KCNH7: variants seen among roughly 807,000 people sequenced by gnomAD.
The protein encoded by KCNH7 is potassium voltage-gated channel subfamily H member 7.
A neutral mutation model predicts 120.8 loss-of-function variants in KCNH7; 49 were observed. The ratio of observed to expected loss-of-function variants is 0.41; its 90% CI spans 0.32 to 0.51. The LOEUF (loss-of-function observed/expected upper bound fraction) is 0.51, where lower values mean the gene tolerates loss of function less well. Among genes scored for constraint, KCNH7 ranks in the 20% least tolerant of loss-of-function variants. KCNH7 has a pLI of 0.38. For missense variants in KCNH7, 1,097 were observed against 1,446.6 expected, an observed-to-expected ratio of 0.76 and a Z score of 3.92; for synonymous variants, 547 against 516.1, an observed-to-expected ratio of 1.06 and a Z score of -0.81.
At chr2:162,795,742 T>G (rs180693099) in intron 2 of KCNH7, 1 of 152,152 alleles carries the variant, frequency 6.6e-6, no homozygotes, top group East Asian at 1.9e-4. Context: ...TGAGTACACA[T>G]AGTTAGGATT....
In KCNH7 at chr2:162,601,399, CTTTTTTTTTT is replaced by C. The variant is rs60201823; in HGVS notation, c.308-64329_308-64320del. ...AAATTTTAAAAAAGTACTTCTTGTG[CTTTTTTTTTT>C]TTTTTTTTTTTTTTTTTGCTTACTT... is the stretch of plus-strand genomic sequence containing the variant. On this transcript the variant is annotated intron_variant, in intron 2 of 15. Transcript: ENST00000332142. 1.1e-3 allele frequency among the ~76,000 whole-genome samples: 11 copies of C among 9,604 alleles called. No individual in the cohort carries two copies. In the East Asian group the frequency reaches 0.021, roughly 18 times the overall value. The allele number at this position is 9,604 out of a possible 152,430, so 6.3% of individuals were successfully genotyped here. A position where few individuals can be genotyped will look rare whatever the true frequency, so the allele number is the denominator to read the frequency against.
chr2:162,591,845 C>G (rs940178534), intron 2 of KCNH7, among the ~76,000 whole-genome samples: 1 of 151,992 alleles, frequency 6.6e-6, no homozygotes. Context: ...AGTCAATACA[C>G]CGGTTCTTCC....
intron 6 of KCNH7, among the ~76,000 whole-genome samples, chr2:162,451,589 G>A (rs1664799914): frequency 6.6e-6 from 1 of 152,022 alleles, no homozygotes; most frequent in Non-Finnish European, 1.5e-5. Flanking sequence ...GGGAGCTTGT[G>A]TGGAGAGTCC....
chr2:162,658,932 C>T (rs571407886), intron 2 of KCNH7, among the ~76,000 whole-genome samples: 157 of 152,056 alleles, frequency 1.0e-3, no homozygotes, highest in South Asian at 2.1e-3. Flanking sequence ...AGTTTTATTT[C>T]TTCCTTCCCA....
intron 2 of KCNH7, among the ~76,000 whole-genome samples, chr2:162,607,565 T>C (rs923241666): frequency 6.6e-6 from 1 of 152,176 alleles, no homozygotes; most frequent in African/African-American, 2.4e-5. Context: ...ATTGATTGCA[T>C]AGTTGTTAAA....
At chr2:162,505,389 A>G (rs1018644093) in intron 5 of KCNH7, among the ~76,000 whole-genome samples, 1 of 151,910 alleles carries the variant, frequency 6.6e-6, no homozygotes, top group Non-Finnish European at 1.5e-5. Flanking sequence ...ACCGCAAAAG[A>G]CTAATGCTCT....
chr2:162,817,825 C>G (rs1684967703), intron 2 of KCNH7, among the ~76,000 whole-genome samples: 2 of 151,982 alleles, frequency 1.3e-5, no homozygotes, highest in Admixed American at 1.3e-4. Context: ...CATTGTGTAT[C>G]TTTCCTTGGT....
In KCNH7 at chr2:162,836,739, T is replaced by C. The variant is rs756052548; in HGVS notation, c.105A>G (p.Arg35=). The C allele has an allele frequency of 3.7e-6, 6 of 1,613,004 alleles. No individual in the cohort carries two copies. Among genetic ancestry groups the C allele is most frequent in the Non-Finnish European group, 5.1e-6 (6 of 1,179,390 alleles). The change falls in exon 2 of 16, where the codon AGA becomes AGG. Residue 35 remains arginine, a synonymous_variant. Coordinates refer to ENST00000332142, the MANE Select transcript of KCNH7 (RefSeq NM_033272.4). ...AATAAATGATGGCACAGTTCTGCAC[T>C]CTGGCATTTGCAATGATAAATTTTT... ...QNKKFIIANA[R]VQNCAIIYCN...
intron 2 of KCNH7, among the ~76,000 whole-genome samples, chr2:162,724,933 T>G (rs1467527181): frequency 1.3e-5 from 2 of 152,200 alleles, no homozygotes; most frequent in African/African-American, 4.8e-5. Flanking sequence ...AAATACTTTT[T>G]CTCATGACTC....
chr2:162,418,119 C>T (rs529311869), intron 9 of KCNH7, among the ~76,000 whole-genome samples: 1 of 152,276 alleles, frequency 6.6e-6, no homozygotes, highest in South Asian at 2.1e-4. Context: ...AATCTACATG[C>T]AGATGACAAC....
intron 2 of KCNH7, among the ~76,000 whole-genome samples, chr2:162,548,600 T>C (rs187389276): frequency 2.2e-4 from 34 of 152,074 alleles, no homozygotes; most frequent in East Asian, 1.7e-3. Context: ...GCAGCACACA[T>C]TTATCTGAGT....
intron 2 of KCNH7, among the ~76,000 whole-genome samples, chr2:162,552,891 C>A (rs1186157866): frequency 6.6e-6 from 1 of 152,118 alleles, no homozygotes; most frequent in Non-Finnish European, 1.5e-5. Context: ...GATGAGAACC[C>A]CTGCTACAGT....
intron 6 of KCNH7, among the ~76,000 whole-genome samples, chr2:162,468,819 T>C (rs1430935194): frequency 6.6e-6 from 1 of 151,760 alleles, no homozygotes; most frequent in African/African-American, 2.4e-5. Flanking sequence ...AGTGCTGGGA[T>C]TACAGGCGTG....
chr2:162,744,633 C>T (rs984147802), intron 2 of KCNH7, among the ~76,000 whole-genome samples: 2 of 143,802 alleles, frequency 1.4e-5, no homozygotes, highest in African/African-American at 5.2e-5. Context: ...AATGCAGTGG[C>T]GTGATCTCCG....
intron 9 of KCNH7, among the ~76,000 whole-genome samples, chr2:162,403,530 C>T (rs1687122493): frequency 6.6e-6 from 1 of 151,914 alleles, no homozygotes; most frequent in African/African-American, 2.4e-5. Flanking sequence ...AAGGATGCTT[C>T]AGAAAGTTTT....
intron 9 of KCNH7, among the ~76,000 whole-genome samples, chr2:162,409,875 G>A (rs1687333804): frequency 6.6e-6 from 1 of 151,942 alleles, no homozygotes; most frequent in African/African-American, 2.4e-5. Flanking sequence ...AGCTTTCAAG[G>A]AGGTGAAAGC....
chr2:162,720,634 T>C (rs916060477), intron 2 of KCNH7, among the ~76,000 whole-genome samples: 5 of 152,130 alleles, frequency 3.3e-5, no homozygotes, highest in Admixed American at 1.3e-4. Flanking sequence ...AATTCTCACA[T>C]AATTCTTCAG....
At chr2:162,503,427 T>C (rs1455634001) in intron 6 of KCNH7, among the ~76,000 whole-genome samples, 1 of 152,022 alleles carries the variant, frequency 6.6e-6, no homozygotes, top group East Asian at 1.9e-4. Flanking sequence ...CTTCACTACA[T>C]AAATATTAAA....
At chr2:162,464,706 T>C (rs1689253766) in intron 6 of KCNH7, among the ~76,000 whole-genome samples, 1 of 152,062 alleles carries the variant, frequency 6.6e-6, no homozygotes, top group Admixed American at 6.6e-5. Context: ...TATTACTCCC[T>C]TTGTGACAGT....
Sources: allele counts gnomAD v4.1 joint callset (sites outside exome capture counted in the v4.1 genomes callset), GRCh38; gene constraint gnomAD v4.1.1; transcripts MANE v1.5; gene names NCBI Gene and HGNC (gene_info 2026-07-23, HGNC 2026-07-21).